KCNIP1: variants seen among roughly 807,000 people sequenced by gnomAD.
The protein encoded by KCNIP1 is A-type potassium channel modulatory protein KCNIP1.
A neutral mutation model predicts 33.0 loss-of-function variants in KCNIP1; 18 were observed. The observed-to-expected ratio is 0.55, with a 90% confidence interval of 0.38 to 0.81. The LOEUF (loss-of-function observed/expected upper bound fraction) is 0.81. KCNIP1 is among the 30% of genes least tolerant of loss of function. KCNIP1 has a pLI of 0.00. For synonymous variants in KCNIP1, 93 were observed against 98.3 expected (o/e 0.95, Z 0.32); for missense variants, 238 against 271.6 (o/e 0.88, Z 0.87).
chr5:170,568,579 G>A (rs150301842), intron 1 of KCNIP1, among the ~76,000 whole-genome samples: 10 of 149,032 alleles, frequency 6.7e-5, no homozygotes, highest in East Asian at 4.0e-4. Flanking sequence ...TTGGGAGGCC[G>A]AGGCGGGTGG....
intron 1 of KCNIP1, among the ~76,000 whole-genome samples, chr5:170,437,562 G>A (rs534558362): frequency 2.0e-5 from 3 of 152,240 alleles, no homozygotes; most frequent in Admixed American, 1.3e-4. Flanking sequence ...TTGAACCAGG[G>A]CTGTTGGGCC....
At chr5:170,401,921 C>T (rs77894594) in intron 1 of KCNIP1, among the ~76,000 whole-genome samples, 1 of 152,142 alleles carries the variant, frequency 6.6e-6, no homozygotes, top group Admixed American at 6.5e-5. Context: ...TGTATTTCCT[C>T]ACAGCTCTGG....
intron 1 of KCNIP1, among the ~76,000 whole-genome samples, chr5:170,579,175 C>T (rs1170192152): frequency 1.3e-5 from 2 of 152,192 alleles, no homozygotes; most frequent in East Asian, 1.9e-4. Context: ...AATCCACTTT[C>T]TCTTAAAGTC....
At chr5:170,534,304 C>T (rs1755888821) in intron 1 of KCNIP1, among the ~76,000 whole-genome samples, 1 of 151,938 alleles carries the variant, frequency 6.6e-6, no homozygotes, top group Non-Finnish European at 1.5e-5. Flanking sequence ...GTGGTTTGTC[C>T]CCATAGGAAC....
chr5:170,448,059 A>T (rs1180093769), intron 1 of KCNIP1, among the ~76,000 whole-genome samples: 1 of 151,850 alleles, frequency 6.6e-6, no homozygotes, highest in African/African-American at 2.4e-5. Flanking sequence ...TAGCATCCTG[A>T]CCCTGGATTT....
At chr5:170,627,997 A>T (rs369087274) in intron 1 of KCNIP1, among the ~76,000 whole-genome samples, 5 of 152,328 alleles carry the variant, frequency 3.3e-5, no homozygotes, top group African/African-American at 1.2e-4. Context: ...CTAATCTCAT[A>T]GGTGTCAGGA....
chr5:170,523,221 G>A (rs1462911704), intron 1 of KCNIP1, among the ~76,000 whole-genome samples: 1 of 152,188 alleles, frequency 6.6e-6, no homozygotes, highest in Non-Finnish European at 1.5e-5. Flanking sequence ...GCCCAAGGTA[G>A]AGTTCAGTTC....
chr5:170,547,596 C>T (rs1756463227), intron 1 of KCNIP1, among the ~76,000 whole-genome samples: 1 of 152,174 alleles, frequency 6.6e-6, no homozygotes, highest in Non-Finnish European at 1.5e-5. Context: ...CATCATTTAG[C>T]TCACACTTAT....
At chr5:170,651,361 T>C (rs1761036140) in intron 1 of KCNIP1, among the ~76,000 whole-genome samples, 1 of 152,184 alleles carries the variant, frequency 6.6e-6, no homozygotes, top group Non-Finnish European at 1.5e-5. Context: ...TCTAGAACTT[T>C]CTAAATGTGT....
intron 1 of KCNIP1, among the ~76,000 whole-genome samples, chr5:170,534,770 C>A (rs185307029): frequency 2.1e-3 from 323 of 152,142 alleles, no homozygotes; most frequent in Non-Finnish European, 3.7e-3. Flanking sequence ...GATCCTCCCA[C>A]CAGAGCCTCT....
intron 1 of KCNIP1, among the ~76,000 whole-genome samples, chr5:170,530,732 G>A (rs1188410250): frequency 1.3e-5 from 2 of 152,366 alleles, no homozygotes; most frequent in Admixed American, 6.5e-5. Context: ...AGAGGGACCT[G>A]CCTGAGGCTT....
intron 1 of KCNIP1, among the ~76,000 whole-genome samples, chr5:170,718,525 AC>A (rs1407774203): frequency 6.6e-5 from 10 of 152,158 alleles, no homozygotes; most frequent in Non-Finnish European, 2.9e-5. Flanking sequence ...CTTTGCCTCC[AC>A]TGGGAACATG....
chr5:170,483,253 C>T (rs1190563711), intron 1 of KCNIP1: 4 of 279,704 alleles, frequency 1.4e-5, no homozygotes, highest in African/African-American at 6.8e-5. Flanking sequence ...TGATCCCAGG[C>T]TGGGGACCTT....
At chr5:170,635,422 C>G (rs1024425265) in intron 1 of KCNIP1, among the ~76,000 whole-genome samples, 29 of 152,292 alleles carry the variant, frequency 1.9e-4, no homozygotes, top group African/African-American at 7.0e-4. Context: ...GATGCCTTCC[C>G]TCACTCCCCT....
intron 1 of KCNIP1, among the ~76,000 whole-genome samples, chr5:170,552,500 T>C (rs1756684980): frequency 6.6e-6 from 1 of 152,006 alleles, no homozygotes; most frequent in Non-Finnish European, 1.5e-5. Context: ...CTGCTTTAAA[T>C]TCAGAAATCC....
At position 170,504,021 on chromosome 5, in the gene KCNIP1, A is replaced by G. The variant is rs1754596869; in HGVS notation, c.-552A>G. 2 of 978,252 alleles carry G rather than the reference A, an allele frequency of 2.0e-6. No homozygotes were observed. The highest frequency in any genetic ancestry group is 3.6e-5 in the African/African-American group (2 of 54,880). The allele number at this position is 978,252 out of a possible 1,614,324, so 60.6% of individuals were successfully genotyped here. A position where few individuals can be genotyped will look rare whatever the true frequency, so the allele number is the denominator to read the frequency against. On this transcript the variant is annotated 5_prime_UTR_variant, in exon 1 of 8. Coordinates refer to ENST00000328939, the MANE Select transcript of KCNIP1 (RefSeq NM_014592.4). The surrounding 1 kb of genome is among the most constrained non-coding windows in gnomAD (Gnocchi z 6.0). The stretch of plus-strand genomic sequence containing the variant: ...CTCCGCCGCCCCCTCCGCCGCTCCG[A>G]CTCTCGCCCCGAGCGCTGGCAGCAG...
At chr5:170,354,419 C>T (rs1160998814) in intron 1 of KCNIP1, among the ~76,000 whole-genome samples, 1 of 152,164 alleles carries the variant, frequency 6.6e-6, no homozygotes, top group Non-Finnish European at 1.5e-5. Context: ...ATCTGCTTTG[C>T]CCTGGTGGCT....
chr5:170,391,537 A>G (rs941877033), intron 1 of KCNIP1, among the ~76,000 whole-genome samples: 2 of 152,236 alleles, frequency 1.3e-5, no homozygotes, highest in Non-Finnish European at 2.9e-5. Flanking sequence ...GTGGAGGGCA[A>G]GAAAATAACA....
At chr5:170,369,707 C>T (rs993987303) in intron 1 of KCNIP1, among the ~76,000 whole-genome samples, 4 of 152,236 alleles carry the variant, frequency 2.6e-5, no homozygotes, top group Admixed American at 2.0e-4. Context: ...CACTCTATTC[C>T]CATGGGCTTC....
Sources: allele counts gnomAD v4.1 joint callset (sites outside exome capture counted in the v4.1 genomes callset), GRCh38; gene constraint gnomAD v4.1.1; non-coding constraint Gnocchi (gnomAD v3.1); transcripts MANE v1.5; gene names NCBI Gene and HGNC (gene_info 2026-07-23, HGNC 2026-07-21).